The following CSMD1 variants were observed in gnomAD, a reference collection of about 807,000 sequenced individuals.
CSMD1 encodes CUB and Sushi multiple domains 1.
In CSMD1, 213 loss-of-function variants were observed where a neutral mutation model predicts 417.5. The ratio of observed to expected loss-of-function variants is 0.51; its 90% CI spans 0.46 to 0.57. CSMD1 has a LOEUF of 0.57. CSMD1 is among the 20% of genes least tolerant of loss of function. The probability of loss-of-function intolerance (pLI) is 0.00; values close to 1 mark genes in which losing one functional copy is unlikely to be tolerated. For missense variants in CSMD1, 6,923 were observed against 4,529.7 expected, an observed-to-expected ratio of 1.53 and a Z score of -15.17; for synonymous variants, 2,862 against 1,736.8, an observed-to-expected ratio of 1.65 and a Z score of -16.11.
At chr8:3,889,937 G>T (rs1806842001) in intron 5 of CSMD1, among the ~76,000 whole-genome samples, 1 of 152,014 alleles carries the variant, frequency 6.6e-6, no homozygotes, top group Non-Finnish European at 1.5e-5. Context: ...AGTCTCAGAC[G>T]GTTGGATGGC....
At chr8:4,378,587 T>A (rs1361330423) in intron 3 of CSMD1, among the ~76,000 whole-genome samples, 1 of 152,208 alleles carries the variant, frequency 6.6e-6, no homozygotes, top group Non-Finnish European at 1.5e-5. Flanking sequence ...AAGTTTCAAA[T>A]ACCTTGAGTC....
intron 3 of CSMD1, among the ~76,000 whole-genome samples, chr8:4,037,874 C>G (rs1028603327): frequency 6.6e-6 from 1 of 151,848 alleles, no homozygotes; most frequent in African/African-American, 2.4e-5. Context: ...CGTATACATA[C>G]GTACAATAAC....
intron 1 of CSMD1, among the ~76,000 whole-genome samples, chr8:4,881,419 CTAT>C (rs1803388708): frequency 2.4e-5 from 1 of 41,284 alleles, no homozygotes; most frequent in Non-Finnish European, 7.5e-5. Context: ...ACATATCTAT[CTAT>C]CTATCTATCT....
chr8:3,577,293 C>T (rs1271242262), intron 9 of CSMD1, among the ~76,000 whole-genome samples: 1 of 152,160 alleles, frequency 6.6e-6, no homozygotes, highest in Non-Finnish European at 1.5e-5. Context: ...AGGAAGCCAG[C>T]CCGTCACCAC....
chr8:3,561,078 T>C (rs574469705), intron 10 of CSMD1, among the ~76,000 whole-genome samples: 1 of 152,246 alleles, frequency 6.6e-6, no homozygotes, highest in Non-Finnish European at 1.5e-5. Context: ...AAATACACAT[T>C]AGAACCACAG....
At chr8:4,225,961 G>A (rs1047131253) in intron 3 of CSMD1, among the ~76,000 whole-genome samples, 24 of 151,906 alleles carry the variant, frequency 1.6e-4, no homozygotes, top group Admixed American at 8.5e-4. Flanking sequence ...ATTTCATGTT[G>A]AGTTATTTGA....
At chr8:4,888,372 TGAG>T (rs896125983) in intron 1 of CSMD1, among the ~76,000 whole-genome samples, 23 of 152,078 alleles carry the variant, frequency 1.5e-4, no homozygotes, top group Non-Finnish European at 2.2e-4. Flanking sequence ...TTTTAAAAAA[TGAG>T]GAGATATATG....
At chr8:3,020,264 A>G (rs1809252856) in intron 51 of CSMD1, among the ~76,000 whole-genome samples, 1 of 152,254 alleles carries the variant, frequency 6.6e-6, no homozygotes, top group Admixed American at 6.5e-5. Flanking sequence ...CAATGAAAGT[A>G]TAAATCAGGA....
chr8:3,268,742 A>T (rs556545918), intron 26 of CSMD1, among the ~76,000 whole-genome samples: 4 of 152,076 alleles, frequency 2.6e-5, no homozygotes, highest in Non-Finnish European at 5.9e-5. Context: ...ACTGTTGTCT[A>T]CCTCTGCCTA....
intron 1 of CSMD1, among the ~76,000 whole-genome samples, chr8:4,971,301 A>G (rs1810222826): frequency 6.6e-6 from 1 of 152,126 alleles, no homozygotes; most frequent in African/African-American, 2.4e-5. Context: ...TTTTCTACAC[A>G]TTCATGCTTA....
At chr8:3,017,050 G>A (rs1164633298) in intron 52 of CSMD1, among the ~76,000 whole-genome samples, 3 of 152,228 alleles carry the variant, frequency 2.0e-5, no homozygotes, top group African/African-American at 7.2e-5. Context: ...GGCCTTTCCT[G>A]CATCCTGTAT....
intron 5 of CSMD1, among the ~76,000 whole-genome samples, chr8:3,909,250 G>C (rs1054376766): frequency 2.0e-5 from 3 of 152,170 alleles, no homozygotes; most frequent in Non-Finnish European, 4.4e-5. Context: ...AGGAGATGTA[G>C]ACCCAAAAGG....
intron 2 of CSMD1, among the ~76,000 whole-genome samples, chr8:4,479,709 C>T (rs923092294): frequency 6.6e-6 from 1 of 152,096 alleles, no homozygotes; most frequent in African/African-American, 2.4e-5. Context: ...TCCTGGCCAA[C>T]ATGGTGAAAC....
chr8:4,644,822 G>A (rs1047344219), intron 1 of CSMD1, among the ~76,000 whole-genome samples: 1 of 152,218 alleles, frequency 6.6e-6, no homozygotes, highest in Admixed American at 6.5e-5. Context: ...CAAGAGTGAA[G>A]ATAATGATTG....
At chr8:2,960,885 T>C (rs995289450) in intron 62 of CSMD1, among the ~76,000 whole-genome samples, 7 of 149,554 alleles carry the variant, frequency 4.7e-5, no homozygotes, top group Non-Finnish European at 4.4e-5. Flanking sequence ...TAATAGTTGC[T>C]ATGTTAATTT....
At chr8:4,003,485 AT>A in intron 4 of CSMD1, among the ~76,000 whole-genome samples, 1 of 152,314 alleles carries the variant, frequency 6.6e-6, no homozygotes, top group South Asian at 2.1e-4. Context: ...GGAAAAAAAG[AT>A]TTTAAATGGC....
chr8:4,232,750 C>T (rs1205217803), intron 3 of CSMD1, among the ~76,000 whole-genome samples: 1 of 152,202 alleles, frequency 6.6e-6, no homozygotes, highest in Non-Finnish European at 1.5e-5. Flanking sequence ...CCTTAATTCA[C>T]TGCTATCTGG....
intron 14 of CSMD1, among the ~76,000 whole-genome samples, chr8:3,407,190 G>C (rs1036203427): frequency 6.6e-6 from 1 of 150,970 alleles, no homozygotes; most frequent in Non-Finnish European, 1.5e-5. Context: ...GGAAGGATAT[G>C]GATGAATGGA....
At chr8:3,953,241 A>G (rs993563199) in intron 5 of CSMD1, among the ~76,000 whole-genome samples, 2 of 152,186 alleles carry the variant, frequency 1.3e-5, no homozygotes, top group African/African-American at 4.8e-5. Flanking sequence ...TATAACTGAT[A>G]TAGGAGTTAA....
Sources: allele counts gnomAD v4.1 joint callset (sites outside exome capture counted in the v4.1 genomes callset), GRCh38; gene constraint gnomAD v4.1.1; transcripts MANE v1.5; gene names NCBI Gene and HGNC (gene_info 2026-07-23, HGNC 2026-07-21).